PLEKHA7: variants seen among roughly 807,000 people sequenced by gnomAD.
PLEKHA7 encodes the protein pleckstrin homology domain containing A7, also known as pleckstrin homology domain-containing family A member 7.
A neutral mutation model predicts 170.0 loss-of-function variants in PLEKHA7; 104 were observed. The ratio of observed to expected loss-of-function variants is 0.61; its 90% CI spans 0.52 to 0.72. PLEKHA7 has a LOEUF of 0.72. Among genes scored for constraint, PLEKHA7 ranks in the 30% least tolerant of loss-of-function variants. The pLI is 0.00. For missense variants in PLEKHA7, 1,615 were observed against 1,671.7 expected (o/e 0.97, Z 0.59); for synonymous variants, 648 against 660.8 (o/e 0.98, Z 0.30).
intron 3 of PLEKHA7, among the ~76,000 whole-genome samples, chr11:16,989,568 C>T (rs1863914967): frequency 6.6e-6 from 1 of 152,206 alleles, no homozygotes; most frequent in African/African-American, 2.4e-5. Flanking sequence ...CACAGCTCTA[C>T]TGCTTTCATG....
chr11:16,847,095 T>C (rs965641480), intron 8 of PLEKHA7, among the ~76,000 whole-genome samples: 3 of 126,868 alleles, frequency 2.4e-5, no homozygotes, highest in East Asian at 4.3e-4. Flanking sequence ...TTTTTCTTTT[T>C]TTTTTTTTTT....
At chr11:16,915,765 T>A (rs1355172932) in intron 3 of PLEKHA7, among the ~76,000 whole-genome samples, 6 of 150,582 alleles carry the variant, frequency 4.0e-5, no homozygotes, top group Non-Finnish European at 7.4e-5. Context: ...TCTATCATTG[T>A]TGGACATTTG....
At chr11:17,001,607 A>G (rs1864666729) in intron 3 of PLEKHA7, among the ~76,000 whole-genome samples, 1 of 152,166 alleles carries the variant, frequency 6.6e-6, no homozygotes, top group South Asian at 2.1e-4. Context: ...CCATCCCCCA[A>G]GCATGCTGCT....
Position 16,947,119 on chromosome 11 carries a change from T to G in PLEKHA7, c.221+66870A>C, listed in dbSNP as rs541433717. Reference sequence around the variant, plus strand: ...CTGACTAGGCTACTGTTTTCTCAGCTACTGGGTTGTACAATCACACCTGAA... The same window carrying G: ...CTGACTAGGCTACTGTTTTCTCAGCGACTGGGTTGTACAATCACACCTGAA... On this transcript the variant is annotated intron_variant, in intron 3 of 26. Coordinates refer to ENST00000531066, the MANE Select transcript of PLEKHA7 (RefSeq NM_001329630.2). 4.6e-5 allele frequency among the ~76,000 whole-genome samples: 7 copies of G among 152,330 alleles called. No homozygotes were observed. In the East Asian group the frequency reaches 1.3e-3, roughly 29 times the overall value.
chr11:16,912,160 A>C (rs778501106), intron 3 of PLEKHA7, among the ~76,000 whole-genome samples: 2 of 152,068 alleles, frequency 1.3e-5, no homozygotes, highest in Non-Finnish European at 2.9e-5. Context: ...GACACACCTT[A>C]CTCCTTATTC....
At chr11:16,952,286 G>A (rs1861451911) in intron 3 of PLEKHA7, among the ~76,000 whole-genome samples, 1 of 152,182 alleles carries the variant, frequency 6.6e-6, no homozygotes, top group African/African-American at 2.4e-5. Flanking sequence ...AAGGAAGTGA[G>A]AGGGGAAAGG....
At chr11:16,973,156 G>A (rs1175082942) in intron 3 of PLEKHA7, among the ~76,000 whole-genome samples, 1 of 152,198 alleles carries the variant, frequency 6.6e-6, no homozygotes, top group Non-Finnish European at 1.5e-5. Flanking sequence ...GTACTTTTAT[G>A]TACTTTATGG....
At chr11:16,918,728 T>A (rs1858870815) in intron 3 of PLEKHA7, among the ~76,000 whole-genome samples, 1 of 152,166 alleles carries the variant, frequency 6.6e-6, no homozygotes, top group African/African-American at 2.4e-5. Context: ...TCACACCGCC[T>A]CTGTAATTTC....
At chr11:16,859,770 G>C (rs887598144) in intron 4 of PLEKHA7, among the ~76,000 whole-genome samples, 33 of 152,336 alleles carry the variant, frequency 2.2e-4, no homozygotes, top group African/African-American at 7.7e-4. Context: ...AGAAGAGCCT[G>C]TGCCCCCGAG....
In PLEKHA7 at chr11:16,928,643, A is replaced by G. The variant is rs998640600; in HGVS notation, c.222-57461T>C. On this transcript the variant is annotated intron_variant, in intron 3 of 26. Coordinates refer to ENST00000531066, the MANE Select transcript of PLEKHA7 (RefSeq NM_001329630.2). ...AATTTTTTTTTAAATTTTTTTAGAG[A>G]TGGGGACTCACTATGTTGTCCAGGC... Among the ~76,000 whole-genome samples, 7 of 151,740 alleles carry G rather than the reference A, an allele frequency of 4.6e-5. No individual in the cohort carries two copies. In the East Asian group the frequency reaches 1.2e-3, roughly 25 times the overall value.
intron 3 of PLEKHA7, among the ~76,000 whole-genome samples, chr11:16,971,870 C>A (rs1862736792): frequency 1.3e-5 from 2 of 151,954 alleles, no homozygotes; most frequent in African/African-American, 4.8e-5. Flanking sequence ...GTCCTCTAGG[C>A]TGGAGTGCAG....
At chr11:16,899,071 C>T (rs75790722) in intron 3 of PLEKHA7, among the ~76,000 whole-genome samples, 1,952 of 152,216 alleles carry the variant, frequency 0.013, 37 homozygotes, top group African/African-American at 0.042. Flanking sequence ...TCTTTGCAAA[C>T]GGATCTTAAA....
At chr11:16,939,718 C>T (rs1259664635) in intron 3 of PLEKHA7, among the ~76,000 whole-genome samples, 1 of 152,100 alleles carries the variant, frequency 6.6e-6, no homozygotes, top group Non-Finnish European at 1.5e-5. Flanking sequence ...GTTTTCTCTC[C>T]TCATGTTCCC....
chr11:16,830,188 T>C (rs979348893), intron 9 of PLEKHA7, among the ~76,000 whole-genome samples: 2 of 152,058 alleles, frequency 1.3e-5, no homozygotes, highest in South Asian at 4.2e-4. Context: ...CTTTCTTTGT[T>C]GCCCAGGCTA....
intron 3 of PLEKHA7, chr11:16,975,103 C>A (rs1394651497): frequency 1.5e-5 from 8 of 541,508 alleles, no homozygotes; most frequent in African/African-American, 2.0e-5. Flanking sequence ...TCATCACATG[C>A]ATACATTCAT....
chr11:16,801,726 T>C lies in PLEKHA7; in HGVS notation c.2249A>G (p.Gln750Arg). 1 of 1,614,142 alleles carries C rather than the reference T, an allele frequency of 6.2e-7. No individual in the cohort carries two copies. Among genetic ancestry groups the C allele is most frequent in the Middle Eastern group, 1.6e-4 (1 of 6,062 alleles). Residue 750 changes from glutamine (Q) to arginine (R), a missense_variant, in exon 16 of 27, where the codon CAG becomes CGG. Gln to Arg is a conservative substitution (Grantham distance 43). Coordinates refer to ENST00000531066, the MANE Select transcript of PLEKHA7 (RefSeq NM_001329630.2). ...PQHLEKIAYQ[Q>R]KLLQEDLVHI... ...GACAAGGTCCTCCTGCAGCAACTTCTGCTGGTAGGCAATCTTCTCCAAGTG... is the reference window on the plus strand; with the variant it reads ...GACAAGGTCCTCCTGCAGCAACTTCCGCTGGTAGGCAATCTTCTCCAAGTG...
intron 3 of PLEKHA7, among the ~76,000 whole-genome samples, chr11:16,961,484 C>T (rs913801241): frequency 2.6e-5 from 4 of 152,228 alleles, no homozygotes; most frequent in African/African-American, 4.8e-5. Context: ...TTTACAATTA[C>T]GGGCTACAGG....
intron 3 of PLEKHA7, among the ~76,000 whole-genome samples, chr11:16,908,699 T>C (rs1273966890): frequency 6.6e-6 from 1 of 152,176 alleles, no homozygotes; most frequent in East Asian, 1.9e-4. Context: ...TTTCACCACG[T>C]TGGCCAGAAT....
At chr11:16,783,136 T>C (rs550353575) in intron 25 of PLEKHA7, among the ~76,000 whole-genome samples, 2 of 152,342 alleles carry the variant, frequency 1.3e-5, no homozygotes, top group African/African-American at 4.8e-5. Context: ...GAGGCTCTTA[T>C]TAAATTCAGA....
Sources: gnomAD v4.1 joint callset for allele counts (sites outside exome capture counted in the v4.1 genomes callset) on GRCh38, gnomAD v4.1.1 for gene constraint, MANE v1.5 for transcripts, NCBI Gene and HGNC (gene_info 2026-07-23, HGNC 2026-07-21) for gene names.